The following XKR6 variants were observed in gnomAD, a reference collection of about 807,000 sequenced individuals.
XKR6 encodes XK related 6, also known as XK-related protein 6.
A neutral mutation model predicts 56.7 loss-of-function variants in XKR6; 22 were observed. That is an observed-to-expected ratio of 0.39 (90% CI 0.28 to 0.55). The LOEUF is 0.55. Ranked by LOEUF, XKR6 falls within the 20% of genes least tolerant of loss-of-function variation. The pLI, the probability that XKR6 is intolerant of heterozygous loss-of-function variation, is 0.66. For synonymous variants in XKR6, 524 were observed against 387.8 expected, an observed-to-expected ratio of 1.35 and a Z score of -4.13; for missense variants, 852 against 889.0, an observed-to-expected ratio of 0.96 and a Z score of 0.53.
rs142021662 is a variant in XKR6, at chr8:10,917,516, C to T, written c.961+7118G>A. On this transcript the variant is annotated intron_variant, in intron 2 of 2. Coordinates refer to ENST00000416569, the MANE Select transcript of XKR6 (RefSeq NM_173683.4). ...GTGTCCCTTGAGCAGGAATGGTCTACATGGCACCAGCTGGCCATGTTCTGG... is the reference window on the plus strand; with the variant it reads ...GTGTCCCTTGAGCAGGAATGGTCTATATGGCACCAGCTGGCCATGTTCTGG... Among the ~76,000 whole-genome samples the T allele has an allele frequency of 3.5e-3, 535 of 152,342 alleles. 2 individuals carry two copies. The highest frequency in any genetic ancestry group is 7.9e-3 in the South Asian group (38 of 4,832).
At chr8:11,044,879 A>G (rs185092414) in intron 1 of XKR6, among the ~76,000 whole-genome samples, 209 of 151,862 alleles carry the variant, frequency 1.4e-3, no homozygotes, top group Middle Eastern at 3.4e-3. Flanking sequence ...CGGCCTCCCA[A>G]AGTGCTGGGA....
intron 1 of XKR6, among the ~76,000 whole-genome samples, chr8:11,076,364 A>T (rs1304957347): frequency 2.6e-5 from 4 of 152,110 alleles, no homozygotes; most frequent in Admixed American, 2.6e-4. Context: ...ATTGGTTAGG[A>T]TTGTAGATTT....
chr8:11,119,380 C>T (rs188069841), intron 1 of XKR6, among the ~76,000 whole-genome samples: 17 of 152,240 alleles, frequency 1.1e-4, no homozygotes, highest in East Asian at 7.7e-4. Flanking sequence ...CTTTCTGTCT[C>T]GTTGATCTGT....
chr8:11,022,682 C>T (rs940444538), intron 1 of XKR6, among the ~76,000 whole-genome samples: 6 of 152,198 alleles, frequency 3.9e-5, no homozygotes, highest in African/African-American at 9.7e-5. Context: ...CAGATGCAAA[C>T]ACTGAGGCCC....
intron 1 of XKR6, among the ~76,000 whole-genome samples, chr8:11,096,413 A>G (rs538383461): frequency 3.3e-5 from 5 of 152,364 alleles, no homozygotes; most frequent in African/African-American, 1.2e-4. Context: ...AACTTTAATA[A>G]TAAAAATAAT....
At chr8:10,974,903 T>G (rs1182572137) in intron 1 of XKR6, among the ~76,000 whole-genome samples, 1 of 152,242 alleles carries the variant, frequency 6.6e-6, no homozygotes, top group Non-Finnish European at 1.5e-5. Flanking sequence ...GATGCTTGCA[T>G]GACAACATGG....
intron 1 of XKR6, chr8:11,126,214 G>GC (rs1799786354): frequency 6.6e-6 from 1 of 151,916 alleles, no homozygotes; most frequent in South Asian, 2.1e-4. Flanking sequence ...GATTACAGGC[G>GC]TGCACTACCA....
chr8:11,190,409 G>A (rs1030655379), intron 1 of XKR6, among the ~76,000 whole-genome samples: 1 of 152,162 alleles, frequency 6.6e-6, no homozygotes, highest in African/African-American at 2.4e-5. Context: ...GACCTGTGGG[G>A]TATGCCAAAC....
intron 1 of XKR6, among the ~76,000 whole-genome samples, chr8:10,978,552 C>A (rs940991247): frequency 6.6e-6 from 1 of 152,188 alleles, no homozygotes. Flanking sequence ...GGGTCTCGTG[C>A]ATTCTCCTCC....
At chr8:10,990,499 T>C (rs898664351) in intron 1 of XKR6, among the ~76,000 whole-genome samples, 1 of 152,238 alleles carries the variant, frequency 6.6e-6, no homozygotes, top group African/African-American at 2.4e-5. Context: ...AAGCCTGTTC[T>C]GGCCCTGGTG....
At chr8:10,989,225 G>T (rs920161293) in intron 1 of XKR6, among the ~76,000 whole-genome samples, 2 of 152,218 alleles carry the variant, frequency 1.3e-5, no homozygotes, top group East Asian at 3.8e-4. Flanking sequence ...AGACCTATTT[G>T]CTTGGATTAA....
At position 11,201,216 on chromosome 8, in the gene XKR6, C is replaced by T. The variant is rs1563217434; in HGVS notation, c.124G>A (p.Gly42Ser). Residue 42 changes from glycine (G) to serine (S), a missense_variant, in exon 1 of 3, where the codon GGC (glycine) becomes AGC (serine). Gly to Ser is a moderately conservative substitution (Grantham distance 56). Coordinates refer to ENST00000416569, the MANE Select transcript of XKR6 (RefSeq NM_173683.4). ...GEPGGGGCGGGGDGSEPGESS... is the reference protein window; with the variant it reads ...GEPGGGGCGGSGDGSEPGESS... Reference sequence around the variant, plus strand: ...TCGCCGGGCTCGCTGCCGTCGCCGCCGCCGCCGCAGCCGCCTCCCCCGGGC... The same window carrying T: ...TCGCCGGGCTCGCTGCCGTCGCCGCTGCCGCCGCAGCCGCCTCCCCCGGGC... The T allele has an allele frequency of 2.6e-6, 4 of 1,535,840 alleles. No individual in the cohort carries two copies. Among genetic ancestry groups the T allele is most frequent in the Admixed American group, 3.9e-5 (2 of 51,706 alleles).
chr8:10,912,687 G>GTATA (rs780977459), intron 2 of XKR6, among the ~76,000 whole-genome samples: 1,526 of 132,684 alleles, frequency 0.012, 21 homozygotes, highest in Admixed American at 0.037. Context: ...GAGGGTGAGT[G>GTATA]TATATATATA....
chr8:11,101,268 A>G (rs1798469819), intron 1 of XKR6, among the ~76,000 whole-genome samples: 1 of 152,228 alleles, frequency 6.6e-6, no homozygotes, highest in African/African-American at 2.4e-5. Context: ...AACCTGAATA[A>G]CAAGAATTGT....
At chr8:10,961,783 T>G (rs1021050178) in intron 1 of XKR6, among the ~76,000 whole-genome samples, 1 of 152,212 alleles carries the variant, frequency 6.6e-6, no homozygotes, top group East Asian at 1.9e-4. Context: ...TTGCCCACAG[T>G]TGTCCAGTTC....
intron 1 of XKR6, chr8:11,137,136 G>C (rs1800441486): frequency 1.3e-5 from 2 of 157,822 alleles, no homozygotes; most frequent in Non-Finnish European, 2.8e-5. Context: ...TCTGAAACCA[G>C]AGCATATGTG....
intron 1 of XKR6, among the ~76,000 whole-genome samples, chr8:11,127,218 G>C (rs1275060138): frequency 1.3e-5 from 2 of 152,152 alleles, no homozygotes; most frequent in Non-Finnish European, 2.9e-5. Flanking sequence ...TGGCCTTGGA[G>C]GTGGTTATTC....
intron 2 of XKR6, among the ~76,000 whole-genome samples, chr8:10,910,068 T>G (rs546359639): frequency 1.3e-5 from 2 of 152,172 alleles, no homozygotes; most frequent in South Asian, 2.1e-4. Flanking sequence ...CAGGGTGATT[T>G]TGGCCTCTAG....
intron 1 of XKR6, among the ~76,000 whole-genome samples, chr8:11,011,757 G>T (rs757333421): frequency 6.6e-6 from 1 of 152,206 alleles, no homozygotes; most frequent in African/African-American, 2.4e-5. Flanking sequence ...AGGAGGAAGG[G>T]AACTGGTTGT....
Sources: gnomAD v4.1 joint callset for allele counts (sites outside exome capture counted in the v4.1 genomes callset) on GRCh38, gnomAD v4.1.1 for gene constraint, MANE v1.5 for transcripts, NCBI Gene and HGNC (gene_info 2026-07-23, HGNC 2026-07-21) for gene names.